FGF12: variants seen among roughly 807,000 people sequenced by gnomAD.
FGF12 encodes fibroblast growth factor 12B.
A neutral mutation model predicts 23.6 loss-of-function variants in FGF12; 14 were observed. The observed-to-expected ratio is 0.59, with a 90% CI of 0.39 to 0.93. FGF12 has a LOEUF of 0.93. Ranked by LOEUF, FGF12 falls within the 40% of genes least tolerant of loss-of-function variation. The probability of loss-of-function intolerance (pLI) is 0.00; values close to 1 mark genes in which losing one functional copy is unlikely to be tolerated. For missense variants in FGF12, 175 were observed against 217.8 expected (o/e 0.80, Z 1.24); for synonymous variants, 62 against 77.3 (o/e 0.80, Z 1.04).
intron 2 of FGF12, among the ~76,000 whole-genome samples, chr3:192,458,878 G>A (rs927639434): frequency 1.3e-5 from 2 of 152,150 alleles, no homozygotes; most frequent in African/African-American, 4.8e-5. Flanking sequence ...ACGTGTTGTG[G>A]GAGGGATCCA....
At chr3:192,703,847 T>G (rs2108732206) in intron 2 of FGF12, among the ~76,000 whole-genome samples, 1 of 152,322 alleles carries the variant, frequency 6.6e-6, no homozygotes. Context: ...TCCTACAGGA[T>G]TGCATGACTG....
At chr3:192,205,873 G>A (rs1021014375) in intron 4 of FGF12, among the ~76,000 whole-genome samples, 2 of 152,094 alleles carry the variant, frequency 1.3e-5, no homozygotes, top group Non-Finnish European at 2.9e-5. Context: ...GAAGACCTCT[G>A]GATTCCGCAT....
chr3:192,271,308 C>T (rs536736699), intron 4 of FGF12, among the ~76,000 whole-genome samples: 13 of 152,254 alleles, frequency 8.5e-5, no homozygotes, highest in Non-Finnish European at 1.5e-4. Flanking sequence ...CTGTGTTATT[C>T]GCCCATTAAA....
rs369164816 is a variant in FGF12, at chr3:192,498,188, TTCTTA to T, written c.14-137655_14-137651del. On this transcript the variant is annotated intron_variant, in intron 2 of 5. Transcript: ENST00000445105. ...CTCTGTTTGCTCCTGTGGATAATTA[TTCTTA>T]TCTTTAGCACCTATTTTTGAAGATG... Among the ~76,000 whole-genome samples, 862 of 152,338 alleles carry T rather than the reference TTCTTA, an allele frequency of 5.7e-3. 9 individuals are homozygous for T. Among genetic ancestry groups the T allele is most frequent in the African/African-American group, 0.02 (829 of 41,580 alleles).
At chr3:192,367,956 C>T (rs908471743) in intron 2 of FGF12, among the ~76,000 whole-genome samples, 1 of 152,146 alleles carries the variant, frequency 6.6e-6, no homozygotes, top group African/African-American at 2.4e-5. Context: ...TAAGTGCATT[C>T]TATTTCAGTT....
chr3:192,258,729 T>C (rs540032950), intron 4 of FGF12, among the ~76,000 whole-genome samples: 3 of 152,248 alleles, frequency 2.0e-5, no homozygotes, highest in East Asian at 3.9e-4. Flanking sequence ...AATGGGCAGA[T>C]TGATGACTAG....
intron 4 of FGF12, among the ~76,000 whole-genome samples, chr3:192,266,399 T>C (rs1000508682): frequency 1.2e-4 from 19 of 152,090 alleles, no homozygotes; most frequent in African/African-American, 4.6e-4. Context: ...AACAACCAAC[T>C]GGGGGTATTT....
chr3:192,275,453 A>G (rs944568591), intron 4 of FGF12, among the ~76,000 whole-genome samples: 14 of 152,260 alleles, frequency 9.2e-5, no homozygotes, highest in African/African-American at 3.1e-4. Flanking sequence ...TATTCATTCT[A>G]TTTTATAGAA....
intron 2 of FGF12, among the ~76,000 whole-genome samples, chr3:192,507,014 C>T (rs964257754): frequency 6.6e-6 from 1 of 151,808 alleles, no homozygotes; most frequent in Non-Finnish European, 1.5e-5. Flanking sequence ...GCCTCAGCCT[C>T]CCAAGTAGCT....
intron 2 of FGF12, among the ~76,000 whole-genome samples, chr3:192,444,268 G>C (rs1722286654): frequency 1.3e-5 from 2 of 152,034 alleles, no homozygotes; most frequent in South Asian, 4.1e-4. Flanking sequence ...GGAGAAGAAA[G>C]ATTTGAGCTC....
Position 192,655,251 on chromosome 3 carries a change from A to C in FGF12, c.13+71930T>G, listed in dbSNP as rs543697191. 4.1e-4 allele frequency among the ~76,000 whole-genome samples: 63 copies of C among 152,342 alleles called. 1 individual carries two copies. The East Asian group carries it at 0.012, about 28-fold the overall frequency. On this transcript the variant is annotated intron_variant, in intron 2 of 5. Transcript: ENST00000445105. ...TATTGTTGATAGCAACAATGTGCCC[A>C]GCTACATATCCTAGCCACCCTTGTA...
At chr3:192,249,997 G>A (rs1423253954) in intron 4 of FGF12, among the ~76,000 whole-genome samples, 1 of 152,136 alleles carries the variant, frequency 6.6e-6, no homozygotes, top group Non-Finnish European at 1.5e-5. Context: ...CTTTAGATAT[G>A]GAAGCCATTG....
At chr3:192,477,976 G>A (rs1334883496) in intron 2 of FGF12, among the ~76,000 whole-genome samples, 1 of 152,092 alleles carries the variant, frequency 6.6e-6, no homozygotes, top group Non-Finnish European at 1.5e-5. Flanking sequence ...GCATCCATAG[G>A]TTACCTCTTT....
At chr3:192,277,767 T>C (rs2366576) in intron 4 of FGF12, among the ~76,000 whole-genome samples, 55,866 of 151,988 alleles carry the variant, frequency 0.37, 11,348 homozygotes, top group East Asian at 0.9. Context: ...TACATTTCCC[T>C]GTTTTCTTTT....
intron 2 of FGF12, among the ~76,000 whole-genome samples, chr3:192,720,030 G>T (rs1718992434): frequency 6.6e-6 from 1 of 152,226 alleles, no homozygotes. Flanking sequence ...GCCTCTTCCT[G>T]CCTGCTTGGT....
chr3:192,703,559 G>GT (rs1000058342), intron 2 of FGF12, among the ~76,000 whole-genome samples: 1 of 152,136 alleles, frequency 6.6e-6, no homozygotes, highest in African/African-American at 2.4e-5. Flanking sequence ...TTTCACAAAA[G>GT]TTTTTTATAG....
In FGF12 at chr3:192,408,303, G is replaced by A. The variant is rs2108776261; in HGVS notation, c.14-47765C>T. 1 of 1,459,340 alleles carries A rather than the reference G, an allele frequency of 6.9e-7. No individual in the cohort carries two copies. The highest frequency in any genetic ancestry group is 9.0e-7 in the Non-Finnish European group (1 of 1,111,330). The allele number at this position is 1,459,340 out of a possible 1,614,324, so 90.4% of individuals were successfully genotyped here. ...CTCCGCCGGGGCGAGGGCAGGACCT[G>A]GGCGGCCAGGGAAAGGGCAGTCGCG... is the stretch of plus-strand genomic sequence containing the variant. On this transcript the variant is annotated intron_variant, in intron 2 of 5. Transcript: ENST00000445105. This position sits in a 1 kb window ranked among gnomAD's most constrained non-coding sequence, Gnocchi z 7.3.
intron 4 of FGF12, among the ~76,000 whole-genome samples, chr3:192,205,785 G>A (rs1351107145): frequency 6.6e-6 from 1 of 152,222 alleles, no homozygotes; most frequent in Non-Finnish European, 1.5e-5. Flanking sequence ...AGGCCTTGAA[G>A]TGGTGTGATA....
intron 4 of FGF12, among the ~76,000 whole-genome samples, chr3:192,173,648 G>A (rs1008911374): frequency 1.1e-4 from 17 of 149,904 alleles, no homozygotes; most frequent in Non-Finnish European, 2.2e-4. Context: ...TTTTTTTCTC[G>A]ATCTAGTCCA....
Sources: gnomAD v4.1 joint callset for allele counts (sites outside exome capture counted in the v4.1 genomes callset) on GRCh38, gnomAD v4.1.1 for gene constraint, Gnocchi (gnomAD v3.1) non-coding constraint, MANE v1.5 for transcripts, NCBI Gene and HGNC (gene_info 2026-07-23, HGNC 2026-07-21) for gene names.